The following SIK3 variants were observed in gnomAD, a reference collection of about 807,000 sequenced individuals.
SIK3 encodes the protein SIK family kinase 3, also known as serine/threonine-protein kinase SIK3.
Under a neutral mutation model 144.2 loss-of-function variants are expected in SIK3, and 28 were observed. That is an observed-to-expected ratio of 0.19 (90% CI 0.14 to 0.27). The LOEUF is 0.27. Ranked by LOEUF, SIK3 falls within the 10% of genes least tolerant of loss-of-function variation. The pLI is 1.00. For missense variants in SIK3, 1,319 were observed against 1,776.0 expected (o/e 0.74, Z 4.62); for synonymous variants, 686 against 676.3 (o/e 1.01, Z -0.22).
chr11:116,879,481 C>T (rs1311507320), intron 6 of SIK3, among the ~76,000 whole-genome samples: 2 of 152,196 alleles, frequency 1.3e-5, no homozygotes, highest in African/African-American at 4.8e-5. Context: ...AAGCTGTGCT[C>T]TTGACTACCC....
intron 1 of SIK3, among the ~76,000 whole-genome samples, chr11:117,033,809 A>G (rs199994219): frequency 6.6e-6 from 1 of 152,106 alleles, no homozygotes; most frequent in Non-Finnish European, 1.5e-5. Flanking sequence ...TAATGGATAT[A>G]AGAAGATTGA....
At chr11:117,057,301 T>C (rs1463156792) in intron 1 of SIK3, among the ~76,000 whole-genome samples, 1 of 152,220 alleles carries the variant, frequency 6.6e-6, no homozygotes, top group Admixed American at 6.5e-5. Context: ...TGCACTAATT[T>C]TTCTTACGAA....
chr11:116,992,327 A>AC (rs1950528121), intron 1 of SIK3, among the ~76,000 whole-genome samples: 1 of 113,200 alleles, frequency 8.8e-6, no homozygotes, highest in African/African-American at 3.9e-5. Context: ...CCCCCCCCCC[A>AC]AAAAAAAACA....
chr11:117,031,164 C>T (rs911917040), intron 1 of SIK3, among the ~76,000 whole-genome samples: 1 of 152,064 alleles, frequency 6.6e-6, no homozygotes, highest in African/African-American at 2.4e-5. Flanking sequence ...TTATGAAGTC[C>T]AACTTACCAA....
chr11:116,899,779 T>C (rs968653036), intron 4 of SIK3, among the ~76,000 whole-genome samples: 1 of 152,182 alleles, frequency 6.6e-6, no homozygotes, highest in Non-Finnish European at 1.5e-5. Flanking sequence ...TGTGTACCCA[T>C]GTGACAGGCT....
At chr11:117,015,812 GC>G (rs1388076607) in intron 1 of SIK3, 1 of 151,842 alleles carries the variant, frequency 6.6e-6, no homozygotes, top group Admixed American at 6.6e-5. Flanking sequence ...CAGGTGATCC[GC>G]CCACCTCAGC....
At chr11:116,953,039 T>C (rs957644540) in intron 3 of SIK3, among the ~76,000 whole-genome samples, 1 of 151,946 alleles carries the variant, frequency 6.6e-6, no homozygotes, top group African/African-American at 2.4e-5. Flanking sequence ...GGACTAGCAC[T>C]TACCCTAAAG....
At chr11:116,902,091 G>A (rs538912213) in intron 4 of SIK3, among the ~76,000 whole-genome samples, 27 of 152,284 alleles carry the variant, frequency 1.8e-4, no homozygotes, top group African/African-American at 2.9e-4. Flanking sequence ...GGAGAAATGC[G>A]AATGATTCTG....
At chr11:117,039,922 A>G (rs552304836) in intron 1 of SIK3, among the ~76,000 whole-genome samples, 1 of 152,334 alleles carries the variant, frequency 6.6e-6, no homozygotes, top group East Asian at 1.9e-4. Context: ...TTTCTTCAAC[A>G]AGGATAGCAG....
intron 1 of SIK3, among the ~76,000 whole-genome samples, chr11:117,027,132 C>T (rs186557392): frequency 5.3e-5 from 8 of 152,248 alleles, no homozygotes; most frequent in South Asian, 2.1e-4. Flanking sequence ...CATCCAGATG[C>T]GATGAAAAAG....
intron 1 of SIK3, among the ~76,000 whole-genome samples, chr11:117,024,516 A>G (rs1279034558): frequency 6.6e-6 from 1 of 152,160 alleles, no homozygotes; most frequent in Non-Finnish European, 1.5e-5. Context: ...GTAAGCCTGC[A>G]ACAGCTGTAA....
chr11:117,075,546 CTT>C (rs564984679), intron 1 of SIK3, among the ~76,000 whole-genome samples: 41 of 134,090 alleles, frequency 3.1e-4, no homozygotes, highest in African/African-American at 6.5e-4. Context: ...ATTTTTTTTT[CTT>C]TTTTTTTTTT....
chr11:117,008,318 A>C (rs1445720103), intron 1 of SIK3, among the ~76,000 whole-genome samples: 2 of 152,240 alleles, frequency 1.3e-5, no homozygotes, highest in East Asian at 3.9e-4. Context: ...ATATTATTCC[A>C]TTTCATAGCT....
chr11:116,868,882 C>A (rs1168557019), intron 14 of SIK3: 1 of 152,160 alleles, frequency 6.6e-6, no homozygotes, highest in African/African-American at 2.4e-5. Context: ...CCCTCTTTGT[C>A]TGGTGGATGA....
intron 4 of SIK3, among the ~76,000 whole-genome samples, chr11:116,919,114 T>C (rs919654515): frequency 1.1e-4 from 16 of 152,280 alleles, no homozygotes; most frequent in African/African-American, 1.4e-4. Context: ...ACAATTTAGA[T>C]TGATATAATG....
chr11:116,947,262 T>A (rs934143340), intron 3 of SIK3, among the ~76,000 whole-genome samples: 4 of 100,400 alleles, frequency 4.0e-5, no homozygotes, highest in African/African-American at 1.4e-4. Flanking sequence ...TATTTATATA[T>A]TATATATATA....
At chr11:116,973,186 A>C (rs985505490) in intron 1 of SIK3, among the ~76,000 whole-genome samples, 3 of 152,220 alleles carry the variant, frequency 2.0e-5, no homozygotes, top group Non-Finnish European at 2.9e-5. Flanking sequence ...AGACCCATGG[A>C]AACTGTAAGA....
intron 1 of SIK3, among the ~76,000 whole-genome samples, chr11:117,006,001 G>C (rs980153613): frequency 6.6e-6 from 1 of 152,094 alleles, no homozygotes; most frequent in Non-Finnish European, 1.5e-5. Flanking sequence ...AGGGAGGGAA[G>C]GGAAGGAAGG....
At chr11:117,026,702 G>A (rs914348899) in intron 1 of SIK3, among the ~76,000 whole-genome samples, 2 of 152,150 alleles carry the variant, frequency 1.3e-5, no homozygotes, top group African/African-American at 4.8e-5. Context: ...ATGACTGAAT[G>A]GGCATACCTC....
Sources: gnomAD v4.1 joint callset for allele counts (sites outside exome capture counted in the v4.1 genomes callset) on GRCh38, gnomAD v4.1.1 for gene constraint, MANE v1.5 for transcripts, NCBI Gene and HGNC (gene_info 2026-07-23, HGNC 2026-07-21) for gene names.